The following MT1X variants were observed in gnomAD, a reference collection of about 807,000 sequenced individuals.
MT1X encodes metallothionein 1X.
Under a neutral mutation model 8.6 loss-of-function variants are expected in MT1X, and 7 were observed. That is an observed-to-expected ratio of 0.81 (90% confidence interval 0.46 to 1.52). The LOEUF (loss-of-function observed/expected upper bound fraction) is 1.52, where lower values mean the gene tolerates loss of function less well. Among genes scored for constraint, MT1X ranks in the 40% most tolerant of loss-of-function variants. The pLI, the probability that MT1X is intolerant of heterozygous loss-of-function variation, is 0.01. For missense variants in MT1X, 72 were observed against 74.3 expected (o/e 0.97, Z 0.11); for synonymous variants, 25 against 27.6 (o/e 0.91, Z 0.30).
rs1204155356 is a variant in MT1X at position 56,682,507 on chromosome 16, T to G, written c.-34T>G. 6.2e-7 allele frequency: 1 copy of G among 1,614,064 alleles called. No homozygotes were observed. The highest frequency in any genetic ancestry group is 8.5e-7 in the Non-Finnish European group (1 of 1,179,888). ...ATCTGTCCCGCTGCGTGTTTTCCTC[T>G]TGATCGGGAACTCCTGCTTCTCCTT... is the stretch of plus-strand genomic sequence containing the variant. On this transcript the variant is annotated 5_prime_UTR_variant, in exon 1 of 3. Coordinates refer to ENST00000394485, the MANE Select transcript of MT1X (RefSeq NM_005952.4).
chr16:56,683,409 C>A, intron 2 of MT1X, 179 bp downstream of exon 2: 1 of 656,968 alleles, frequency 1.5e-6, no homozygotes, highest in Non-Finnish European at 2.5e-6. Context: ...CTCTTATTAC[C>A]AAACTAGAAA....
chr16:56,682,729 G>GCCT, intron 1 of MT1X, 161 bp downstream of exon 1: 1 of 826,430 alleles, frequency 1.2e-6, no homozygotes, highest in Non-Finnish European at 1.9e-6. Flanking sequence ...ACCACTTCTC[G>GCCT]CCTCCCTGTG....
At chr16:56,683,003 A>G (rs1323767189) in intron 1 of MT1X, 162 bp from the exon 2 acceptor site, 3 of 817,296 alleles carry the variant, frequency 3.7e-6, no homozygotes, top group Non-Finnish European at 5.8e-6. Context: ...TCCCAAAATG[A>G]AGGGAGAGGA....
At chr16:56,683,259 G>C in intron 2 of MT1X, 29 bp downstream of exon 2, 1 of 1,613,054 alleles carries the variant, frequency 6.2e-7, no homozygotes, top group Non-Finnish European at 8.5e-7. Context: ...CTGCGAATCT[G>C]GGGGATGGGC....
intron 2 of MT1X, 145 bp downstream of exon 2, chr16:56,683,375 C>T (rs2144368954): frequency 1.1e-6 from 1 of 923,480 alleles, no homozygotes. Context: ...CCTCAAATTG[C>T]CTTAAAAATG....
rs748390395 is a variant in MT1X, at chr16:56,684,091, A to T, written c.*42A>T. Reference sequence around the variant, plus strand: ...CTCTCAGATGTAAATAGAGCAACCTATATAAACCTGGATTTTTTTTTTTTT... The same window carrying T: ...CTCTCAGATGTAAATAGAGCAACCTTTATAAACCTGGATTTTTTTTTTTTT... On this transcript the variant is annotated 3_prime_UTR_variant, in exon 3 of 3. Transcript: ENST00000394485. 3.2e-6 allele frequency: 5 copies of T among 1,540,832 alleles called. No homozygotes were observed. The South Asian group carries it at 3.6e-5, about 11-fold the overall frequency.
intron 2 of MT1X, chr16:56,683,479 T>C (rs151162815): frequency 1.6e-4 from 77 of 487,210 alleles, no homozygotes; most frequent in African/African-American, 1.4e-3. Flanking sequence ...TGAACCTAGG[T>C]CTCCTGCCTC....
Position 56,684,032 on chromosome 16 carries a change from T to G in MT1X, c.169T>G (p.Cys57Gly). The change falls in exon 3 of 3, where the codon TGC (cysteine) becomes GGC (glycine). Residue 57 changes from cysteine (C) to glycine (G), a missense_variant. Transcript: ENST00000394485. Reference sequence around the variant, plus strand: ...CATCTGCAAAGGGACGTCAGACAAGTGCAGCTGCTGTGCCTGATGCCAGGA... The same window carrying G: ...CATCTGCAAAGGGACGTCAGACAAGGGCAGCTGCTGTGCCTGATGCCAGGA... The part of the protein sequence containing the change: ...GCICKGTSDK[C>G]SCCA The G allele has an allele frequency of 1.2e-6, 2 of 1,613,762 alleles. No individual in the cohort carries two copies. Among genetic ancestry groups the G allele is most frequent in the South Asian group, 2.2e-5 (2 of 91,070 alleles).
rs749021422 is a variant in MT1X, at chr16:56,684,081, A to C, written c.*32A>C. ...GACAGCTGTGCTCTCAGATGTAAATAGAGCAACCTATATAAACCTGGATTT... is the reference window on the plus strand; with the variant it reads ...GACAGCTGTGCTCTCAGATGTAAATCGAGCAACCTATATAAACCTGGATTT... On this transcript the variant is annotated 3_prime_UTR_variant, in exon 3 of 3. Transcript: ENST00000394485. 4.4e-6 allele frequency: 7 copies of C among 1,589,392 alleles called. No homozygotes were observed. Among genetic ancestry groups the C allele is most frequent in the Middle Eastern group, 1.7e-4 (1 of 5,946 alleles).
rs34700091 is a variant in MT1X at position 56,684,103 on chromosome 16, A to ATTTTTT, written c.*69_*74dup. ...AATAGAGCAACCTATATAAACCTGG[A>ATTTTTT]TTTTTTTTTTTTTTTTTTTTGTACA... On this transcript the variant is annotated 3_prime_UTR_variant, in exon 3 of 3. Coordinates refer to ENST00000394485, the MANE Select transcript of MT1X (RefSeq NM_005952.4). 7.1e-6 allele frequency: 9 copies of ATTTTTT among 1,276,298 alleles called. No individual in the cohort carries two copies. The highest frequency in any genetic ancestry group is 3.4e-5 in the African/African-American group (2 of 58,622). 79.1% of individuals were successfully genotyped at this position (1,276,298 alleles called of 1,614,324 possible). A position where few individuals can be genotyped will look rare whatever the true frequency, so the allele number is the denominator to read the frequency against.
At chr16:56,683,384 T>G in intron 2 of MT1X, 154 bp downstream of exon 2, 1 of 824,816 alleles carries the variant, frequency 1.2e-6, no homozygotes, top group Non-Finnish European at 1.9e-6. Context: ...GCCTTAAAAA[T>G]GGGTGAGTCC....
intron 1 of MT1X, 68 bp from the exon 2 acceptor site, chr16:56,683,097 G>C (rs1227388992): frequency 1.1e-5 from 17 of 1,582,128 alleles, no homozygotes; most frequent in Non-Finnish European, 1.5e-5. Context: ...TCACTGAAGC[G>C]TTATTGACCA....
chr16:56,683,348 C>A (rs1285077176), intron 2 of MT1X, 118 bp downstream of exon 2: 12 of 1,186,542 alleles, frequency 1.0e-5, no homozygotes, highest in South Asian at 3.9e-5. Flanking sequence ...TCCTTCAACA[C>A]CTGATTCAGA....
intron 2 of MT1X, chr16:56,683,474 C>A: frequency 2.0e-6 from 1 of 496,318 alleles, no homozygotes; most frequent in Non-Finnish European, 3.6e-6. Flanking sequence ...GAATGTGAAC[C>A]TAGGTCTCCT....
chr16:56,683,940 T>C lies in MT1X; in HGVS notation c.95-18T>C. The C allele has an allele frequency of 6.2e-7, 1 of 1,613,850 alleles. No individual in the cohort carries two copies. The highest frequency in any genetic ancestry group is 8.5e-7 in the Non-Finnish European group (1 of 1,179,874). ...GATTGAGTCTGCTCTGACCTCTCAC[T>C]CTCCCCTTCTTCTCCAGGCTGCTGC... On this transcript the variant is annotated intron_variant, in intron 2 of 2. Transcript: ENST00000394485.
At chr16:56,683,757 C>A in intron 2 of MT1X, 1 of 729,324 alleles carries the variant, frequency 1.4e-6, no homozygotes, top group East Asian at 2.7e-5. Context: ...CTGTCCTGTC[C>A]CAGACTCAGG....
In MT1X at chr16:56,682,495, C is replaced by A. The variant is rs769139923; in HGVS notation, c.-46C>A. 1.1e-5 allele frequency: 17 copies of A among 1,610,754 alleles called. No individual in the cohort carries two copies. In the South Asian group the frequency reaches 1.5e-4, roughly 15 times the overall value. Reference sequence around the variant, plus strand: ...ACCACGCTTTTCATCTGTCCCGCTGCGTGTTTTCCTCTTGATCGGGAACTC... The same window carrying A: ...ACCACGCTTTTCATCTGTCCCGCTGAGTGTTTTCCTCTTGATCGGGAACTC... On this transcript the variant is annotated 5_prime_UTR_variant, in exon 1 of 3. Transcript: ENST00000394485.
In MT1X at chr16:56,682,576, A is replaced by G. The variant is rs773026461; in HGVS notation, c.28+8A>G. 8 of 1,613,978 alleles carry G rather than the reference A, an allele frequency of 5.0e-6. No homozygotes were observed. Among genetic ancestry groups the G allele is most frequent in the Admixed American group, 1.7e-5 (1 of 59,994 alleles). ...ACTGCTCCTGCTCGCCTGGTAAGGG[A>G]CACCTAGCTCCGCGCCTTGGGATGC... is the stretch of plus-strand genomic sequence containing the variant. On this transcript the variant is annotated splice_region_variant and intron_variant, in intron 1 of 2. Transcript: ENST00000394485.
At position 56,684,018 on chromosome 16, in the gene MT1X, G is replaced by T. The variant is rs1428025418; in HGVS notation, c.155G>T (p.Gly52Val). 2 of 1,614,154 alleles carry T rather than the reference G, an allele frequency of 1.2e-6. No individual in the cohort carries two copies. Among genetic ancestry groups the T allele is most frequent in the South Asian group, 2.2e-5 (2 of 91,090 alleles). ...AKCAQGCICK[G>V]TSDKCSCCA ...TGTGCCCAGGGCTGCATCTGCAAAGGGACGTCAGACAAGTGCAGCTGCTGT... is the reference window on the plus strand; with the variant it reads ...TGTGCCCAGGGCTGCATCTGCAAAGTGACGTCAGACAAGTGCAGCTGCTGT... Residue 52 changes from glycine (G) to valine (V), a missense_variant, in exon 3 of 3, where the codon GGG becomes GTG. Gly to Val is a moderately radical substitution (Grantham distance 109, BLOSUM62 -3). Coordinates refer to ENST00000394485, the MANE Select transcript of MT1X (RefSeq NM_005952.4).
Sources: allele counts gnomAD v4.1 joint callset, GRCh38; gene constraint gnomAD v4.1.1; transcripts MANE v1.5; gene names NCBI Gene and HGNC (gene_info 2026-07-23, HGNC 2026-07-21).